The following KAZN variants were observed in gnomAD, a reference collection of about 807,000 sequenced individuals.
KAZN encodes kazrin, periplakin interacting protein, also known as kazrin.
In KAZN, 40 loss-of-function variants were observed where a neutral mutation model predicts 87.4. The observed-to-expected ratio is 0.46, with a 90% CI of 0.36 to 0.60. The LOEUF (loss-of-function observed/expected upper bound fraction) is 0.60. Among genes scored for constraint, KAZN ranks in the 20% least tolerant of loss-of-function variants. The pLI is 0.00. For missense variants in KAZN, 898 were observed against 1,073.9 expected (o/e 0.84, Z 2.29); for synonymous variants, 466 against 458.3 (o/e 1.02, Z -0.22).
chr1:13,937,977 T>C (rs1640800359), intron 1 of KAZN, among the ~76,000 whole-genome samples: 1 of 152,238 alleles, frequency 6.6e-6, no homozygotes, highest in Non-Finnish European at 1.5e-5. Flanking sequence ...TCCAGTTTTG[T>C]TATTTTTGCT....
chr1:14,973,648 G>C (rs1012300984), intron 2 of KAZN, among the ~76,000 whole-genome samples: 12 of 152,256 alleles, frequency 7.9e-5, no homozygotes, highest in South Asian at 6.2e-4. Context: ...ATGTGAGCTG[G>C]TACTGATAAC....
At chr1:14,011,799 A>G (rs1421599352) in intron 1 of KAZN, among the ~76,000 whole-genome samples, 2 of 152,200 alleles carry the variant, frequency 1.3e-5, no homozygotes, top group Admixed American at 1.3e-4. Context: ...GAAATAATAC[A>G]TGTATTAATA....
intron 1 of KAZN, among the ~76,000 whole-genome samples, chr1:14,026,914 A>T (rs1359179549): frequency 6.6e-6 from 1 of 152,156 alleles, no homozygotes; most frequent in Non-Finnish European, 1.5e-5. Context: ...GGGGGAAGTG[A>T]CATCCAAACC....
intron 3 of KAZN, among the ~76,000 whole-genome samples, chr1:15,040,481 G>T (rs1021480484): frequency 1.3e-5 from 2 of 152,168 alleles, no homozygotes; most frequent in Admixed American, 6.5e-5. Context: ...GAATGTGGCC[G>T]ATGACCCAGC....
intron 1 of KAZN, among the ~76,000 whole-genome samples, chr1:14,689,484 T>G (rs958417713): frequency 1.3e-5 from 2 of 152,148 alleles, no homozygotes; most frequent in African/African-American, 4.8e-5. Context: ...ACCTTTACCT[T>G]TGGAACACCT....
chr1:14,419,543 G>A (rs1347824277), intron 2 of KAZN, among the ~76,000 whole-genome samples: 1 of 152,186 alleles, frequency 6.6e-6, no homozygotes, highest in South Asian at 2.1e-4. Context: ...CGGAATTTGT[G>A]GGTTCTTGGT....
chr1:14,961,692 G>A (rs1360991750), intron 2 of KAZN, among the ~76,000 whole-genome samples: 1 of 152,168 alleles, frequency 6.6e-6, no homozygotes, highest in African/African-American at 2.4e-5. Context: ...CAGTGTCTTT[G>A]CTTCTTCTAG....
chr1:14,544,669 G>C (rs7524320), intron 2 of KAZN, among the ~76,000 whole-genome samples: 2,864 of 151,592 alleles, frequency 0.019, 36 homozygotes, highest in Non-Finnish European at 0.029. Context: ...AAATCCCTGG[G>C]AATGTATTTA....
Position 14,296,586 on chromosome 1 carries a change from C to A in KAZN, c.249+115994C>A, listed in dbSNP as rs901347561. 2.7e-5 allele frequency among the ~76,000 whole-genome samples: 4 copies of A among 149,024 alleles called. No individual in the cohort carries two copies. The East Asian group carries it at 8.0e-4, about 30-fold the overall frequency. ...CTTATTCTGACCACATATTTGAAAA[C>A]TACACTACTTTTGGCATAATGTAGG... On this transcript the variant is annotated intron_variant, in intron 2 of 16. Transcript: ENST00000636203.
At chr1:14,417,503 TGGAG>T (rs1664896380) in intron 2 of KAZN, among the ~76,000 whole-genome samples, 1 of 152,134 alleles carries the variant, frequency 6.6e-6, no homozygotes, top group Non-Finnish European at 1.5e-5. Flanking sequence ...TCCAGTGCCA[TGGAG>T]TCAATGAAAC....
chr1:14,495,773 G>T (rs1401007445), intron 2 of KAZN, among the ~76,000 whole-genome samples: 2 of 152,144 alleles, frequency 1.3e-5, no homozygotes, highest in Non-Finnish European at 2.9e-5. Context: ...GAAATTTGGG[G>T]TAGAGGAGGG....
At chr1:14,173,936 C>T (rs1162993115) in intron 1 of KAZN, among the ~76,000 whole-genome samples, 1 of 152,164 alleles carries the variant, frequency 6.6e-6, no homozygotes, top group Non-Finnish European at 1.5e-5. Context: ...GAAATAGATG[C>T]TAACCAGACA....
intron 2 of KAZN, among the ~76,000 whole-genome samples, chr1:14,524,778 T>C (rs1671777008): frequency 1.3e-5 from 2 of 152,250 alleles, no homozygotes; most frequent in Admixed American, 1.3e-4. Context: ...GTTTTATTCA[T>C]GTTGATTCTC....
intron 2 of KAZN, among the ~76,000 whole-genome samples, chr1:14,228,931 G>A (rs1647544351): frequency 6.6e-6 from 1 of 152,172 alleles, no homozygotes; most frequent in Non-Finnish European, 1.5e-5. Context: ...TGCATTCCCA[G>A]AACCATACTC....
intron 1 of KAZN, among the ~76,000 whole-genome samples, chr1:13,965,652 C>T (rs1229744003): frequency 6.6e-6 from 1 of 152,174 alleles, no homozygotes; most frequent in Non-Finnish European, 1.5e-5. Flanking sequence ...TCCCAACTCT[C>T]AGCATCATGC....
chr1:14,814,874 T>C (rs1646518154), intron 1 of KAZN, among the ~76,000 whole-genome samples: 1 of 152,356 alleles, frequency 6.6e-6, no homozygotes, highest in East Asian at 1.9e-4. Context: ...TGGTTTAGCA[T>C]GCAGCATGGA....
At chr1:14,224,383 A>G (rs1647192201) in intron 2 of KAZN, among the ~76,000 whole-genome samples, 1 of 152,208 alleles carries the variant, frequency 6.6e-6, no homozygotes, top group Non-Finnish European at 1.5e-5. Context: ...GACAATGAAG[A>G]GTAGAACATA....
At chr1:14,335,113 C>CCG (rs1553159279) in intron 2 of KAZN, among the ~76,000 whole-genome samples, 1 of 149,876 alleles carries the variant, frequency 6.7e-6, no homozygotes, top group Non-Finnish European at 1.5e-5. Context: ...GGTGCCCCCC[C>CCG]CCCACCACCC....
chr1:14,213,733 C>T (rs896514205), intron 2 of KAZN, among the ~76,000 whole-genome samples: 4 of 152,036 alleles, frequency 2.6e-5, no homozygotes, highest in African/African-American at 9.7e-5. Flanking sequence ...AACATTCTGA[C>T]TATGTTGGGG....
Sources: allele counts gnomAD v4.1 joint callset (sites outside exome capture counted in the v4.1 genomes callset), GRCh38; gene constraint gnomAD v4.1.1; transcripts MANE v1.5; gene names NCBI Gene and HGNC (gene_info 2026-07-23, HGNC 2026-07-21).